Variants in FTCD observed in about 807,000 individuals in gnomAD.
The protein encoded by FTCD is formimidoyltransferase-cyclodeaminase.
In FTCD, 76 loss-of-function variants were observed where a neutral mutation model predicts 62.9. That is an observed-to-expected ratio of 1.21 (90% CI 1.00 to 1.46). FTCD has a LOEUF of 1.46. Among genes scored for constraint, FTCD ranks in the 40% most tolerant of loss-of-function variants. FTCD has a pLI of 0.00. For missense variants in FTCD, 845 were observed against 751.3 expected (o/e 1.12, Z -1.46); for synonymous variants, 397 against 336.9 (o/e 1.18, Z -1.95).
chr21:46,152,707 A>C (rs1260181841), intron 3 of FTCD, 200 bp downstream of exon 3: 8 of 534,232 alleles, frequency 1.5e-5, no homozygotes, highest in South Asian at 1.2e-4. Context: ...TAGTCTGAGG[A>C]GGCCCCGGGC....
chr21:46,149,641 G>A (rs995446873), intron 7 of FTCD, among the ~76,000 whole-genome samples: 1 of 152,208 alleles, frequency 6.6e-6, no homozygotes, highest in Non-Finnish European at 1.5e-5. Flanking sequence ...CACCCCAGCA[G>A]GACCTGAGGC....
chr21:46,150,311 G>A, intron 6 of FTCD, 61 bp from the exon 7 acceptor site: 1 of 1,609,608 alleles, frequency 6.2e-7, no homozygotes, highest in East Asian at 2.2e-5. Context: ...CCTGGCTGGA[G>A]GATGTGGGGC....
intron 2 of FTCD, among the ~76,000 whole-genome samples, chr21:46,153,799 C>G (rs138262628): frequency 2.6e-5 from 4 of 152,382 alleles, no homozygotes; most frequent in East Asian, 1.9e-4. Context: ...GCCCTTCCCC[C>G]ACCAGTGCCT....
intron 7 of FTCD, among the ~76,000 whole-genome samples, chr21:46,147,777 A>T (rs1335497603): frequency 6.6e-6 from 1 of 151,622 alleles, no homozygotes; most frequent in African/African-American, 2.4e-5. Flanking sequence ...TCTCTACTAA[A>T]AAAAAAAAAT....
chr21:46,153,075 G>T (rs1267122573), intron 2 of FTCD, 40 bp from the exon 3 acceptor site: 2 of 1,530,492 alleles, frequency 1.3e-6, no homozygotes, highest in Non-Finnish European at 1.8e-6. Context: ...GGCCAGGTGT[G>T]GGAGCGGGTG....
intron 3 of FTCD, 77 bp from the exon 4 acceptor site, chr21:46,152,057 G>T: frequency 9.6e-7 from 1 of 1,043,942 alleles, no homozygotes; most frequent in Non-Finnish European, 1.4e-6. Context: ...CAGGTGGAGG[G>T]GCTCCCTCCA....
chr21:46,146,430 C>T (rs1220061568), intron 7 of FTCD, 103 bp from the exon 8 acceptor site: 2 of 804,668 alleles, frequency 2.5e-6, no homozygotes, highest in Non-Finnish European at 4.3e-6. Context: ...CCCCCTGCCC[C>T]GAGCACACAG....
At chr21:46,138,448 GC>G in intron 12 of FTCD, 59 bp downstream of exon 12, 1 of 1,506,490 alleles carries the variant, frequency 6.6e-7, no homozygotes. Flanking sequence ...CAGCAACTCA[GC>G]CCCAACAGCT....
At chr21:46,147,206 C>G (rs2079167354) in intron 7 of FTCD, among the ~76,000 whole-genome samples, 1 of 151,902 alleles carries the variant, frequency 6.6e-6, no homozygotes, top group African/African-American at 2.4e-5. Context: ...GTGACACCCC[C>G]AAGGATGAAT....
At chr21:46,136,701 CAT>C, downstream of FTCD, 8 of 1,470,724 alleles carry the variant, frequency 5.4e-6, no homozygotes, top group Non-Finnish European at 7.2e-6. Flanking sequence ...GGCCACTGAC[CAT>C]ATGTCCTGCT....
rs373378495 is a variant in FTCD, at chr21:46,150,343, G to A, written c.774+45C>T. 5.0e-6 allele frequency: 8 copies of A among 1,611,668 alleles called. No individual in the cohort carries two copies. The African/African-American group carries it at 8.0e-5, about 16-fold the overall frequency. ...GGGCCCCCGCCCTGCCCACGGGACAGATCGGCTCGCCCCTCACAGCAGCAG... is the reference window on the plus strand; with the variant it reads ...GGGCCCCCGCCCTGCCCACGGGACAAATCGGCTCGCCCCTCACAGCAGCAG... On this transcript the variant is annotated intron_variant, in intron 6 of 13. Transcript: ENST00000397746.
intron 5 of FTCD, 68 bp from the exon 6 acceptor site, chr21:46,150,593 C>T (rs1389069403): frequency 6.6e-7 from 1 of 1,518,940 alleles, no homozygotes; most frequent in East Asian, 2.3e-5. Flanking sequence ...CCAGTCTCTC[C>T]TGGCACTTGC....
chr21:46,136,644 T>C (rs2123471504), downstream of FTCD: 11 of 1,482,308 alleles, frequency 7.4e-6, no homozygotes, highest in South Asian at 1.5e-4. Context: ...CGCTGAGGTC[T>C]GTCTCCTCAC....
At chr21:46,152,057 G>GA in intron 3 of FTCD, 77 bp from the exon 4 acceptor site, 10 of 1,043,912 alleles carry the variant, frequency 9.6e-6, no homozygotes, top group Non-Finnish European at 1.3e-5. Flanking sequence ...CAGGTGGAGG[G>GA]GCTCCCTCCA....
chr21:46,138,749 G>T, intron 11 of FTCD, 103 bp from the exon 12 acceptor site: 2 of 1,460,440 alleles, frequency 1.4e-6, no homozygotes, highest in Non-Finnish European at 9.5e-7. Flanking sequence ...AGCGGGCGAT[G>T]GGAAGTCATT....
intron 1 of FTCD, among the ~76,000 whole-genome samples, chr21:46,154,829 C>T (rs1438441669): frequency 3.3e-5 from 5 of 152,232 alleles, no homozygotes; most frequent in Non-Finnish European, 4.4e-5. Context: ...GCTGGAATCC[C>T]GGCATGACGA....
intron 5 of FTCD, among the ~76,000 whole-genome samples, chr21:46,150,874 G>A (rs553245630): frequency 2.0e-5 from 3 of 152,358 alleles, no homozygotes; most frequent in East Asian, 1.9e-4. Flanking sequence ...CATCTGCTCC[G>A]CTCCCGACAA....
chr21:46,139,638 A>G (rs1272739156), intron 10 of FTCD, among the ~76,000 whole-genome samples: 1 of 152,204 alleles, frequency 6.6e-6, no homozygotes, highest in East Asian at 1.9e-4. Context: ...ACCCTCGACC[A>G]TGGATGAGAG....
intron 7 of FTCD, among the ~76,000 whole-genome samples, chr21:46,149,672 A>G (rs1169688575): frequency 6.6e-6 from 1 of 152,236 alleles, no homozygotes; most frequent in Non-Finnish European, 1.5e-5. Context: ...CCCAGACTCC[A>G]GAAGCCTTGA....
Sources: gnomAD v4.1 joint callset for allele counts (sites outside exome capture counted in the v4.1 genomes callset) on GRCh38, gnomAD v4.1.1 for gene constraint, MANE v1.5 for transcripts, NCBI Gene and HGNC (gene_info 2026-07-23, HGNC 2026-07-21) for gene names.